The following CALN1 variants were observed in gnomAD, a reference collection of about 807,000 sequenced individuals.
CALN1 encodes the protein calcium-binding protein 8.
A neutral mutation model predicts 30.6 loss-of-function variants in CALN1; 17 were observed. That is an observed-to-expected ratio of 0.56 (90% confidence interval 0.38 to 0.83). CALN1 has a LOEUF of 0.83. Among genes scored for constraint, CALN1 ranks in the 40% least tolerant of loss-of-function variants. CALN1 has a pLI of 0.00. For synonymous variants in CALN1, 156 were observed against 131.4 expected (o/e 1.19, Z -1.28); for missense variants, 291 against 354.9 (o/e 0.82, Z 1.45).
At chr7:72,396,933 C>T (rs924631816) in intron 2 of CALN1, among the ~76,000 whole-genome samples, 3 of 152,246 alleles carry the variant, frequency 2.0e-5, no homozygotes, top group Non-Finnish European at 2.9e-5. Flanking sequence ...ACTAGTAAGA[C>T]AGGGTCTGTC....
chr7:72,409,405 C>CA (rs1806952181), intron 1 of CALN1, among the ~76,000 whole-genome samples: 1 of 149,010 alleles, frequency 6.7e-6, no homozygotes, highest in African/African-American at 2.5e-5. Flanking sequence ...ACTGTATCCA[C>CA]ATACCTCCCT....
At chr7:72,253,843 C>A (rs1272677582) in intron 3 of CALN1, among the ~76,000 whole-genome samples, 1 of 152,168 alleles carries the variant, frequency 6.6e-6, no homozygotes, top group Non-Finnish European at 1.5e-5. Context: ...CAGGTTCAAG[C>A]AATTCTCCTG....
chr7:72,280,747 G>A (rs1797677142), intron 2 of CALN1, among the ~76,000 whole-genome samples: 2 of 152,192 alleles, frequency 1.3e-5, no homozygotes, highest in African/African-American at 2.4e-5. Flanking sequence ...ATGCAACAGT[G>A]TTGAGAGGTG....
the CALN1 span, among the ~76,000 whole-genome samples, chr7:72,455,319 ATATG>A: frequency 4.8e-4 from 64 of 132,444 alleles, no homozygotes; most frequent in African/African-American, 1.4e-3. Flanking sequence ...ATATATATAT[ATATG>A]TGTGTGTGTG....
the CALN1 span, among the ~76,000 whole-genome samples, chr7:72,483,285 T>C: frequency 2.0e-3 from 164 of 80,776 alleles, 1 homozygote; most frequent in Middle Eastern, 5.4e-3. Context: ...TTTTTCTTTT[T>C]TTTTTTTTTT....
chr7:72,329,763 G>A (rs559175769), intron 2 of CALN1, among the ~76,000 whole-genome samples: 16 of 151,876 alleles, frequency 1.1e-4, no homozygotes, highest in East Asian at 3.9e-4. Flanking sequence ...AGACCAGCGC[G>A]GCCAACATGG....
chr7:72,442,558 T>A (rs1450224974), intron 1 of CALN1, among the ~76,000 whole-genome samples: 1 of 147,378 alleles, frequency 6.8e-6, no homozygotes, highest in Admixed American at 6.7e-5. Flanking sequence ...TGGACTTTAT[T>A]AAGGGTTGCG....
In CALN1 at chr7:71,786,331, T is replaced by C. The variant is rs1792979042; in HGVS notation, c.*1444A>G. On this transcript the variant is annotated 3_prime_UTR_variant, in exon 7 of 7. Coordinates refer to ENST00000395275, the MANE Select transcript of CALN1 (RefSeq NM_031468.4). ...GTAATTCCATTACAAAATAAAGACC[T>C]GAGCTTGGAAAAGTACAAAGGGAAC... is the stretch of plus-strand genomic sequence containing the variant. The C allele has an allele frequency of 6.6e-6, 1 of 152,194 alleles. No homozygotes were observed. Among genetic ancestry groups the C allele is most frequent in the African/African-American group, 2.4e-5 (1 of 41,450 alleles). The allele number at this position is 152,194 out of a possible 1,614,324, so 9.4% of individuals were successfully genotyped here. A position where few individuals can be genotyped will look rare whatever the true frequency, so the allele number is the denominator to read the frequency against.
chr7:72,110,101 T>C (rs1807456794), intron 3 of CALN1, among the ~76,000 whole-genome samples: 1 of 152,156 alleles, frequency 6.6e-6, no homozygotes, highest in South Asian at 2.1e-4. Context: ...TCCTGAACTC[T>C]CTGGGTTACT....
intron 2 of CALN1, among the ~76,000 whole-genome samples, chr7:72,285,559 A>T (rs934279462): frequency 1.3e-5 from 2 of 152,160 alleles, no homozygotes; most frequent in Non-Finnish European, 2.9e-5. Context: ...GTACTTTTTT[A>T]AAGTATCAGT....
At chr7:71,934,161 A>G (rs1200168779) in intron 5 of CALN1, among the ~76,000 whole-genome samples, 6 of 152,330 alleles carry the variant, frequency 3.9e-5, no homozygotes, top group Non-Finnish European at 8.8e-5. Flanking sequence ...TGCAACTTCT[A>G]GCTAAAATAG....
At chr7:72,023,887 G>A (rs1562985786) in intron 4 of CALN1, 118 bp from the exon 5 acceptor site, 4 of 629,644 alleles carry the variant, frequency 6.4e-6, no homozygotes, top group South Asian at 2.4e-5. Context: ...ATGAAGAAGA[G>A]CTGGTAACAT....
chr7:71,814,292 T>TAAAC (rs1224190773), intron 5 of CALN1, among the ~76,000 whole-genome samples: 1 of 152,134 alleles, frequency 6.6e-6, no homozygotes, highest in Non-Finnish European at 1.5e-5. Context: ...GTCAAGTGTG[T>TAAAC]GTTTGTGTCG....
intron 5 of CALN1, among the ~76,000 whole-genome samples, chr7:71,874,830 A>G (rs1460247721): frequency 6.6e-6 from 1 of 152,078 alleles, no homozygotes; most frequent in Non-Finnish European, 1.5e-5. Flanking sequence ...AGGGCCGAGC[A>G]CATAGTTGGA....
chr7:72,374,853 A>G (rs918101358), intron 2 of CALN1, among the ~76,000 whole-genome samples: 1 of 152,212 alleles, frequency 6.6e-6, no homozygotes, highest in African/African-American at 2.4e-5. Flanking sequence ...GAAAACCTGT[A>G]AATAGCTCAA....
chr7:72,439,651 C>G (rs976619632), intron 1 of CALN1, among the ~76,000 whole-genome samples: 7 of 150,258 alleles, frequency 4.7e-5, no homozygotes, highest in Admixed American at 3.3e-4. Flanking sequence ...AATCTCGGCT[C>G]ACTGCAACCT....
chr7:72,387,497 C>G (rs983029521), intron 2 of CALN1, among the ~76,000 whole-genome samples: 3 of 152,044 alleles, frequency 2.0e-5, no homozygotes, highest in Non-Finnish European at 4.4e-5. Context: ...CCCTCCGCCC[C>G]GGGTGATCAA....
the CALN1 span, among the ~76,000 whole-genome samples, chr7:72,499,484 A>G: frequency 6.6e-6 from 1 of 152,212 alleles, no homozygotes. Context: ...TGATACATAA[A>G]TAAGGCAATA....
intron 5 of CALN1, among the ~76,000 whole-genome samples, chr7:71,990,511 G>A (rs1022029163): frequency 6.6e-6 from 1 of 151,534 alleles, no homozygotes; most frequent in Non-Finnish European, 1.5e-5. Context: ...GGAGTCCAGT[G>A]GCGTAATCTC....
Sources: gnomAD v4.1 joint callset for allele counts (sites outside exome capture counted in the v4.1 genomes callset) on GRCh38, gnomAD v4.1.1 for gene constraint, MANE v1.5 for transcripts, NCBI Gene and HGNC (gene_info 2026-07-23, HGNC 2026-07-21) for gene names.